GRM3: variants seen among roughly 807,000 people sequenced by gnomAD.
GRM3 encodes metabotropic glutamate receptor 3.
A neutral mutation model predicts 70.5 loss-of-function variants in GRM3; 26 were observed. The observed-to-expected ratio is 0.37, with a 90% CI of 0.27 to 0.51. The LOEUF (loss-of-function observed/expected upper bound fraction) is 0.51, where lower values mean the gene tolerates loss of function less well. Among genes scored for constraint, GRM3 ranks in the 20% least tolerant of loss-of-function variants. GRM3 has a pLI of 0.93. For synonymous variants in GRM3, 443 were observed against 434.9 expected (o/e 1.02, Z -0.23); for missense variants, 859 against 1,123.8 (o/e 0.76, Z 3.37).
intron 1 of GRM3, among the ~76,000 whole-genome samples, chr7:86,662,413 G>A (rs1793916645): frequency 6.6e-6 from 1 of 151,744 alleles, no homozygotes; most frequent in African/African-American, 2.4e-5. Context: ...AAGGAATAAA[G>A]ACCTTGGACA....
intron 3 of GRM3, among the ~76,000 whole-genome samples, chr7:86,825,119 C>T (rs76190985): frequency 0.045 from 6,866 of 152,252 alleles, 520 homozygotes; most frequent in African/African-American, 0.16. Context: ...CTGCCCTCCA[C>T]CTTCTAGTAT....
chr7:86,803,107 T>C (rs1797718069), intron 3 of GRM3, among the ~76,000 whole-genome samples: 1 of 152,152 alleles, frequency 6.6e-6, no homozygotes, highest in African/African-American at 2.4e-5. Context: ...GTAATAAAAG[T>C]AGAAAACAAA....
intron 1 of GRM3, among the ~76,000 whole-genome samples, chr7:86,652,762 A>G (rs1172120947): frequency 1.3e-5 from 2 of 152,222 alleles, no homozygotes; most frequent in Admixed American, 6.5e-5. Context: ...TGTATTGAAC[A>G]ACAACAACAA....
At chr7:86,656,880 G>A (rs147048947) in intron 1 of GRM3, among the ~76,000 whole-genome samples, 2,144 of 152,118 alleles carry the variant, frequency 0.014, 63 homozygotes, top group African/African-American at 0.048. Context: ...AACATTTGCT[G>A]GTTTTTCTGA....
intron 1 of GRM3, chr7:86,709,983 T>C (rs1194849284): frequency 6.6e-6 from 1 of 152,090 alleles, no homozygotes; most frequent in Non-Finnish European, 1.5e-5. Context: ...ACCAATATGA[T>C]GGCATGTCTT....
intron 1 of GRM3, among the ~76,000 whole-genome samples, chr7:86,719,863 G>C (rs766910149): frequency 2.8e-4 from 43 of 152,070 alleles, no homozygotes; most frequent in Admixed American, 2.0e-4. Context: ...TAAAGCCAAT[G>C]ACACTAGCAT....
chr7:86,790,046 C>A (rs1440133614), intron 3 of GRM3, among the ~76,000 whole-genome samples: 1 of 152,156 alleles, frequency 6.6e-6, no homozygotes, highest in African/African-American at 2.4e-5. Context: ...TCCATTAGCA[C>A]TACTTGCAGT....
chr7:86,702,511 A>T (rs1794966594), intron 1 of GRM3, among the ~76,000 whole-genome samples: 1 of 152,032 alleles, frequency 6.6e-6, no homozygotes, highest in Admixed American at 6.6e-5. Flanking sequence ...TTCAAAGAGT[A>T]TATGGCTTAT....
Position 86,786,912 on chromosome 7 carries a change from G to C in GRM3, c.1120G>C (p.Asp374His). ...CAAACGCAACCACAGGCGCGTCTGCGACAAGCACCTGGCCATCGACAGCAG... is the reference window on the plus strand; with the variant it reads ...CAAACGCAACCACAGGCGCGTCTGCCACAAGCACCTGGCCATCGACAGCAG... ...QNKRNHRRVCDKHLAIDSSNY... is the reference protein window; with the variant it reads ...QNKRNHRRVCHKHLAIDSSNY... The change falls in exon 3 of 6, where the codon GAC (aspartate) becomes CAC (histidine). Residue 374 changes from aspartate (D) to histidine (H), a missense_variant. By Grantham distance (81) the Asp-to-His change is moderately conservative. Transcript: ENST00000361669. The surrounding 1 kb of genome is among the most constrained non-coding windows in gnomAD (Gnocchi z 6.0). 1 of 1,614,114 alleles carries C rather than the reference G, an allele frequency of 6.2e-7. No individual in the cohort carries two copies. Among genetic ancestry groups the C allele is most frequent in the Non-Finnish European group, 8.5e-7 (1 of 1,179,942 alleles).
At chr7:86,787,206 T>G in intron 3 of GRM3, 90 bp downstream of exon 3, 1 of 1,096,828 alleles carries the variant, frequency 9.1e-7, no homozygotes. Flanking sequence ...TCAGAAATAA[T>G]TATTTCAAAG....
At chr7:86,796,538 C>T (rs1171769151) in intron 3 of GRM3, among the ~76,000 whole-genome samples, 1 of 152,116 alleles carries the variant, frequency 6.6e-6, no homozygotes, top group African/African-American at 2.4e-5. Flanking sequence ...ACTCTCTTGG[C>T]TATATGGGCT....
chr7:86,861,171 C>A (rs979910537), intron 5 of GRM3, among the ~76,000 whole-genome samples: 8 of 152,184 alleles, frequency 5.3e-5, no homozygotes, highest in Non-Finnish European at 1.2e-4. Flanking sequence ...GCTTGAGAAG[C>A]AAAAGCCCAC....
intron 3 of GRM3, among the ~76,000 whole-genome samples, chr7:86,829,884 T>A (rs1275740165): frequency 6.6e-6 from 1 of 152,208 alleles, no homozygotes; most frequent in Non-Finnish European, 1.5e-5. Context: ...ACTTGTTCGA[T>A]GCAGGGTTGC....
chr7:86,768,775 G>A (rs1323537409), intron 2 of GRM3, among the ~76,000 whole-genome samples: 4 of 152,056 alleles, frequency 2.6e-5, no homozygotes, highest in Non-Finnish European at 4.4e-5. Flanking sequence ...TTCCTGACTA[G>A]TCAGACTCTG....
chr7:86,848,999 T>G (rs1798708000), intron 4 of GRM3, among the ~76,000 whole-genome samples: 1 of 152,166 alleles, frequency 6.6e-6, no homozygotes, highest in South Asian at 2.1e-4. Context: ...CACCTCTTCT[T>G]GTAATGTCTT....
At chr7:86,767,334 A>G (rs1409950791) in intron 2 of GRM3, among the ~76,000 whole-genome samples, 4 of 151,682 alleles carry the variant, frequency 2.6e-5, no homozygotes, top group African/African-American at 9.7e-5. Context: ...AGATTACACC[A>G]TCATGTTATG....
intron 5 of GRM3, among the ~76,000 whole-genome samples, chr7:86,854,067 A>ATGAGAG (rs1218021927): frequency 2.6e-5 from 4 of 152,198 alleles, no homozygotes; most frequent in South Asian, 4.1e-4. Context: ...TTCAATGGGA[A>ATGAGAG]GTGCATAGAC....
At chr7:86,698,539 A>AT (rs1562829891) in intron 1 of GRM3, among the ~76,000 whole-genome samples, 1 of 139,648 alleles carries the variant, frequency 7.2e-6, no homozygotes, top group Admixed American at 7.0e-5. Context: ...TATATATATA[A>AT]AATACACATT....
chr7:86,656,362 G>A (rs996797299), intron 1 of GRM3, among the ~76,000 whole-genome samples: 4 of 139,014 alleles, frequency 2.9e-5, no homozygotes, highest in Non-Finnish European at 4.5e-5. Flanking sequence ...TCTGCCTCCC[G>A]GGTTCAAGCA....
Sources: gnomAD v4.1 joint callset for allele counts (sites outside exome capture counted in the v4.1 genomes callset) on GRCh38, gnomAD v4.1.1 for gene constraint, Gnocchi (gnomAD v3.1) non-coding constraint, MANE v1.5 for transcripts, NCBI Gene and HGNC (gene_info 2026-07-23, HGNC 2026-07-21) for gene names.